Variants in CDH26 observed in about 807,000 individuals in gnomAD.
The protein encoded by CDH26 is cadherin-like protein 26.
In CDH26, 83 loss-of-function variants were observed where a neutral mutation model predicts 90.3. The ratio of observed to expected loss-of-function variants is 0.92; its 90% CI spans 0.77 to 1.10. The LOEUF (loss-of-function observed/expected upper bound fraction) is 1.10. Among genes scored for constraint, CDH26 ranks in the 50% least tolerant of loss-of-function variants. The pLI is 0.00. For synonymous variants in CDH26, 397 were observed against 396.3 expected, an observed-to-expected ratio of 1.00 and a Z score of -0.02; for missense variants, 1,013 against 1,037.6, an observed-to-expected ratio of 0.98 and a Z score of 0.33.
At chr20:59,998,911 C>T (rs1040149603) in intron 13 of CDH26, among the ~76,000 whole-genome samples, 1 of 152,212 alleles carries the variant, frequency 6.6e-6, no homozygotes, top group Non-Finnish European at 1.5e-5. Flanking sequence ...ATAAGGCCAT[C>T]TCTAGGTGCA....
At chr20:60,007,570 C>A (rs529118783) in intron 17 of CDH26, among the ~76,000 whole-genome samples, 6 of 152,140 alleles carry the variant, frequency 3.9e-5, no homozygotes, top group African/African-American at 1.4e-4. Context: ...TTGATGCAAA[C>A]GGAGGGGCTG....
At chr20:60,028,459 G>A (rs1241199089) in intron 7 of CDH26, among the ~76,000 whole-genome samples, 2 of 152,222 alleles carry the variant, frequency 1.3e-5, no homozygotes, top group African/African-American at 4.8e-5. Flanking sequence ...TATTGATTTA[G>A]CGAGAGGCAA....
chr20:59,996,269 A>G, intron 12 of CDH26: 2 of 1,178,562 alleles, frequency 1.7e-6, no homozygotes, highest in Non-Finnish European at 2.3e-6. Context: ...GCTTCTACTC[A>G]CAATGGAATC....
chr20:60,011,305 C>T (rs546655023), intron 17 of CDH26, among the ~76,000 whole-genome samples: 15 of 152,304 alleles, frequency 9.8e-5, no homozygotes, highest in East Asian at 7.7e-4. Flanking sequence ...ACTACTGTCA[C>T]GCTTGTGTTT....
intron 5 of CDH26, among the ~76,000 whole-genome samples, chr20:59,984,398 G>A (rs1337509158): frequency 6.6e-6 from 1 of 152,222 alleles, no homozygotes; most frequent in Non-Finnish European, 1.5e-5. Flanking sequence ...AATTAAAAGT[G>A]TAATCTGATC....
In CDH26 at chr20:59,958,535, C is replaced by A; in HGVS notation, c.-192C>A. On this transcript the variant is annotated 5_prime_UTR_variant, in exon 1 of 18. Transcript: ENST00000348616. ...TTCAAGCTTACAAGTCAGCCCACCC[C>A]ACTCTGATAAATGCAAGAAAAGCTG... The A allele has an allele frequency of 4.7e-6, 3 of 643,778 alleles. No homozygotes were observed. Among genetic ancestry groups the A allele is most frequent in the Non-Finnish European group, 5.6e-6 (2 of 357,094 alleles). 39.9% of individuals were successfully genotyped at this position (643,778 alleles called of 1,614,324 possible).
chr20:59,976,980 G>A (rs1303741972), intron 4 of CDH26, among the ~76,000 whole-genome samples: 1 of 152,168 alleles, frequency 6.6e-6, no homozygotes, highest in Non-Finnish European at 1.5e-5. Context: ...TAGCCATAGA[G>A]TGAAGTGAGG....
rs1261609966 is a variant in CDH26, at chr20:59,999,631, A to G, written c.2065A>G (p.Thr689Ala). The G allele has an allele frequency of 6.2e-7, 1 of 1,614,146 alleles. No homozygotes were observed. Among genetic ancestry groups the G allele is most frequent in the Admixed American group, 1.7e-5 (1 of 60,028 alleles). The change falls in exon 14 of 18, where the codon ACA becomes GCA. Residue 689 changes from threonine (T) to alanine (A), a missense_variant. Coordinates refer to ENST00000348616, the MANE Select transcript of CDH26 (RefSeq NM_177980.4). ...CCAGAGGCCGGCTCTGCTCATCTGC[A>G]CAGCTGCAGCAGGACCCACGCAGGG... is the stretch of plus-strand genomic sequence containing the variant. Reference protein sequence around the residue: ...EGQRPALLICTAAAGPTQGVK... With the variant: ...EGQRPALLICAAAAGPTQGVK...
At chr20:59,994,514 CAA>C in intron 11 of CDH26, 25 bp downstream of exon 11, 1 of 1,609,298 alleles carries the variant, frequency 6.2e-7, no homozygotes, top group Non-Finnish European at 8.5e-7. Flanking sequence ...TGGTTACGGG[CAA>C]AGAGTGGAAA....
intron 14 of CDH26, 49 bp from the exon 15 acceptor site, chr20:60,001,294 C>A: frequency 6.2e-7 from 1 of 1,611,394 alleles, no homozygotes. Context: ...TTGTTTCCAG[C>A]TGGAGAGAAA....
intron 5 of CDH26, among the ~76,000 whole-genome samples, chr20:59,983,515 T>C (rs571708644): frequency 6.6e-6 from 1 of 152,138 alleles, no homozygotes; most frequent in Non-Finnish European, 1.5e-5. Flanking sequence ...TGTGTAATCA[T>C]CTCTCCAAAA....
chr20:59,989,598 G>C (rs2061504066), intron 9 of CDH26, among the ~76,000 whole-genome samples: 1 of 151,340 alleles, frequency 6.6e-6, no homozygotes, highest in African/African-American at 2.4e-5. Context: ...GGTTGCCTCA[G>C]TCTCCGTGAT....
At chr20:59,962,255 C>T (rs2061084891) in intron 1 of CDH26, among the ~76,000 whole-genome samples, 1 of 152,204 alleles carries the variant, frequency 6.6e-6, no homozygotes, top group Admixed American at 6.5e-5. Flanking sequence ...TGTCCTCAGA[C>T]TGCTGAAACA....
chr20:60,021,851 C>CACACACACACACACACACACACAT (rs2061954080), intron 7 of CDH26, among the ~76,000 whole-genome samples: 5 of 45,862 alleles, frequency 1.1e-4, no homozygotes, highest in East Asian at 3.8e-4. Flanking sequence ...CTTATCTGTA[C>CACACACACACACACACACACACAT]ACACACACAC....
At position 60,012,653 on chromosome 20, in the gene CDH26, C is replaced by T. The variant is rs201785593; in HGVS notation, c.2422C>T (p.Pro808Ser). 2.7e-4 allele frequency: 436 copies of T among 1,614,016 alleles called. No homozygotes were observed. Among genetic ancestry groups the T allele is most frequent in the Non-Finnish European group, 3.4e-4 (400 of 1,180,008 alleles). ...SLASLEQELQ[P>S]DLLDSLGSKA... ...GGCCAGCTTGGAACAGGAGTTGCAA[C>T]CTGATTTGCTGGACTCTTTGGGTTC... Residue 808 changes from proline to serine, a missense_variant, in exon 18 of 18, where the codon CCT (proline) becomes TCT (serine). Transcript: ENST00000348616.
chr20:59,984,903 C>T lies in CDH26; in HGVS notation c.708+98C>T, dbSNP rs936950521. ...ATTTGTAGTGGGGAACCCTCTGTGG[C>T]TAGATTTGCTATTGAAATTCCTAAA... On this transcript the variant is annotated intron_variant, in intron 6 of 17. Transcript: ENST00000348616. 6.0e-5 allele frequency: 94 copies of T among 1,560,834 alleles called. No individual in the cohort carries two copies. In the African/African-American group the frequency reaches 1.2e-3, roughly 20 times the overall value.
At chr20:60,008,479 C>A (rs989301380) in intron 17 of CDH26, among the ~76,000 whole-genome samples, 1 of 152,108 alleles carries the variant, frequency 6.6e-6, no homozygotes, top group Non-Finnish European at 1.5e-5. Context: ...AGCAGCAATC[C>A]CCAGTACCAA....
intron 5 of CDH26, among the ~76,000 whole-genome samples, chr20:59,984,229 T>C (rs1305650978): frequency 6.6e-6 from 1 of 152,262 alleles, no homozygotes; most frequent in Non-Finnish European, 1.5e-5. Context: ...AGTTGCTTTT[T>C]CCTTTCTTTT....
rs749283100 is a variant in CDH26 at position 59,989,126 on chromosome 20, G to A, written c.1246G>A (p.Gly416Arg). ...GGGCGCCAGGCCTGGGACCCTGTTGGGAACTTTTAATGCCATGGATCCAGA... is the reference window on the plus strand; with the variant it reads ...GGGCGCCAGGCCTGGGACCCTGTTGAGAACTTTTAATGCCATGGATCCAGA... ...EEGARPGTLL[G>R]TFNAMDPDSQ... The change falls in exon 9 of 18, where the codon GGA (glycine) becomes AGA (arginine). Residue 416 changes from glycine (G) to arginine (R), a missense_variant. By Grantham distance (125) the Gly-to-Arg change is moderately radical. Transcript: ENST00000348616. The A allele has an allele frequency of 1.3e-5, 21 of 1,614,088 alleles. No individual in the cohort carries two copies. In the Admixed American group the frequency reaches 3.3e-4, roughly 26 times the overall value.
Sources: gnomAD v4.1 joint callset for allele counts (sites outside exome capture counted in the v4.1 genomes callset) on GRCh38, gnomAD v4.1.1 for gene constraint, MANE v1.5 for transcripts, NCBI Gene and HGNC (gene_info 2026-07-23, HGNC 2026-07-21) for gene names.